The following GRIK4 variants were observed in gnomAD, a reference collection of about 807,000 sequenced individuals.
GRIK4 encodes the protein glutamate ionotropic receptor kainate type subunit 4, also known as glutamate receptor ionotropic, kainate 4.
In GRIK4, 40 loss-of-function variants were observed where a neutral mutation model predicts 104.9. The ratio of observed to expected loss-of-function variants is 0.38; its 90% CI spans 0.30 to 0.50. The LOEUF (loss-of-function observed/expected upper bound fraction) is 0.50. GRIK4 is among the 20% of genes least tolerant of loss of function. The pLI, the probability that GRIK4 is intolerant of heterozygous loss-of-function variation, is 0.93. For synonymous variants in GRIK4, 485 were observed against 524.9 expected, an observed-to-expected ratio of 0.92 and a Z score of 1.04; for missense variants, 1,047 against 1,308.1, an observed-to-expected ratio of 0.80 and a Z score of 3.08.
At chr11:120,537,182 TTA>T (rs1306578074) in intron 1 of GRIK4, among the ~76,000 whole-genome samples, 1 of 152,118 alleles carries the variant, frequency 6.6e-6, no homozygotes, top group African/African-American at 2.4e-5. Context: ...CCTAGCTTAT[TTA>T]TGTTGCTGTT....
At chr11:120,726,256 T>G (rs1181008735) in intron 3 of GRIK4, among the ~76,000 whole-genome samples, 6 of 151,802 alleles carry the variant, frequency 4.0e-5, no homozygotes, top group Non-Finnish European at 4.4e-5. Context: ...ATAGTGGAGG[T>G]TGGAATGTTA....
In GRIK4 at chr11:120,940,278, C is replaced by T; in HGVS notation, c.1477-69C>T. 1.1e-6 allele frequency: 1 copy of T among 909,118 alleles called. No homozygotes were observed. The highest frequency in any genetic ancestry group is 1.8e-6 in the Non-Finnish European group (1 of 558,422). 56.3% of individuals were successfully genotyped at this position (909,118 alleles called of 1,614,324 possible). A position where few individuals can be genotyped will look rare whatever the true frequency, so the allele number is the denominator to read the frequency against. On this transcript the variant is annotated intron_variant, in intron 13 of 20. Coordinates refer to ENST00000527524, the MANE Select transcript of GRIK4 (RefSeq NM_014619.5). This position sits in a 1 kb window ranked among gnomAD's most constrained non-coding sequence, Gnocchi z 4.3. Reference sequence around the variant, plus strand: ...ACATCTCCAATAGCAGTGACGGTTGCTGGTCGCAAGTCTCTGTGCCTCTTC... The same window carrying T: ...ACATCTCCAATAGCAGTGACGGTTGTTGGTCGCAAGTCTCTGTGCCTCTTC...
intron 3 of GRIK4, among the ~76,000 whole-genome samples, chr11:120,790,754 T>G (rs1952377800): frequency 6.6e-6 from 1 of 151,254 alleles, no homozygotes; most frequent in Non-Finnish European, 1.5e-5. Flanking sequence ...AAGCAAGGAG[T>G]GGCGGCAGTG....
chr11:120,755,483 A>G (rs1000911922), intron 3 of GRIK4, among the ~76,000 whole-genome samples: 1 of 151,838 alleles, frequency 6.6e-6, no homozygotes, highest in East Asian at 1.9e-4. Context: ...TCATGGCAGC[A>G]CTTAGTCTTA....
At chr11:120,645,090 CTGTG>C (rs1324737995) in intron 1 of GRIK4, among the ~76,000 whole-genome samples, 1 of 151,812 alleles carries the variant, frequency 6.6e-6, no homozygotes, top group Non-Finnish European at 1.5e-5. Context: ...ATGTGTATGT[CTGTG>C]TGGATGTGTG....
chr11:120,682,758 T>C (rs1950217687), intron 3 of GRIK4, among the ~76,000 whole-genome samples: 1 of 151,988 alleles, frequency 6.6e-6, no homozygotes, highest in Non-Finnish European at 1.5e-5. Flanking sequence ...CCCTTCCCCA[T>C]GCTCACACTG....
At position 120,958,303 on chromosome 11, in the gene GRIK4, C is replaced by T. The variant is rs1401143859; in HGVS notation, c.1874+1350C>T. Among the ~76,000 whole-genome samples the T allele has an allele frequency of 3.9e-5, 6 of 152,362 alleles. No homozygotes were observed. The South Asian group carries it at 1.2e-3, about 32-fold the overall frequency. ...GCCCTGCCCTGAGGGGAGGACTCAGCGCTGCTTTAAATGGCTGGCCCCAGG... is the reference window on the plus strand; with the variant it reads ...GCCCTGCCCTGAGGGGAGGACTCAGTGCTGCTTTAAATGGCTGGCCCCAGG... On this transcript the variant is annotated intron_variant, in intron 16 of 20. Transcript: ENST00000527524.
intron 9 of GRIK4, chr11:120,872,772 G>GT: frequency 1.1e-5 from 2 of 189,764 alleles, no homozygotes; most frequent in Non-Finnish European, 2.2e-5. Flanking sequence ...TTGTTTGTTT[G>GT]TTTTTTGCCA....
At chr11:120,837,350 G>A (rs564897227) in intron 8 of GRIK4, among the ~76,000 whole-genome samples, 6 of 152,134 alleles carry the variant, frequency 3.9e-5, no homozygotes, top group Non-Finnish European at 8.8e-5. Context: ...AGTTGAAACA[G>A]ACCTTAGAGG....
intron 1 of GRIK4, among the ~76,000 whole-genome samples, chr11:120,546,272 G>A (rs1948084681): frequency 6.6e-6 from 1 of 152,168 alleles, no homozygotes; most frequent in Non-Finnish European, 1.5e-5. Context: ...GTTTGCTCCT[G>A]CAGTCTCCCT....
rs149894345 is a variant in GRIK4, at chr11:120,911,532, C to T, written c.1476+6039C>T. Among the ~76,000 whole-genome samples, 853 of 147,778 alleles carry T rather than the reference C, an allele frequency of 5.8e-3. 9 individuals carry two copies. Among genetic ancestry groups the T allele is most frequent in the African/African-American group, 0.018 (749 of 40,878 alleles). On this transcript the variant is annotated intron_variant, in intron 13 of 20. Coordinates refer to ENST00000527524, the MANE Select transcript of GRIK4 (RefSeq NM_014619.5). ...GATTACAGGCTTGAGCCACCGCGCC[C>T]GGCCCAAAATTCTCTTTAAAGATAA...
At chr11:120,547,755 A>G (rs1428108287) in intron 1 of GRIK4, among the ~76,000 whole-genome samples, 1 of 152,206 alleles carries the variant, frequency 6.6e-6, no homozygotes, top group Non-Finnish European at 1.5e-5. Context: ...TGGTAAATTC[A>G]GGCCCCTCCC....
chr11:120,758,652 C>T (rs1951693412), intron 3 of GRIK4, among the ~76,000 whole-genome samples: 1 of 152,168 alleles, frequency 6.6e-6, no homozygotes, highest in Non-Finnish European at 1.5e-5. Context: ...CTTCTAATAA[C>T]AAGAGGGTGA....
At chr11:120,964,505 G>A (rs926209841) in intron 18 of GRIK4, among the ~76,000 whole-genome samples, 1 of 152,130 alleles carries the variant, frequency 6.6e-6, no homozygotes, top group African/African-American at 2.4e-5. Context: ...ACACCTTTGA[G>A]AGATATACTC....
At chr11:120,643,272 C>A (rs1459741368) in intron 1 of GRIK4, among the ~76,000 whole-genome samples, 1 of 152,088 alleles carries the variant, frequency 6.6e-6, no homozygotes, top group Non-Finnish European at 1.5e-5. Flanking sequence ...GGATGAAAGC[C>A]CCCTGAGAGT....
At chr11:120,825,349 A>T (rs1031924047) in intron 6 of GRIK4, among the ~76,000 whole-genome samples, 14 of 152,180 alleles carry the variant, frequency 9.2e-5, no homozygotes, top group Non-Finnish European at 1.8e-4. Context: ...CTGTTGTCTC[A>T]TGTATAAACA....
At chr11:120,601,647 GTT>G (rs779169082) in intron 1 of GRIK4, among the ~76,000 whole-genome samples, 7 of 125,168 alleles carry the variant, frequency 5.6e-5, no homozygotes, top group Admixed American at 2.5e-4. Context: ...TGTGTGTGTG[GTT>G]TTTTTTTTTT....
intron 3 of GRIK4, among the ~76,000 whole-genome samples, chr11:120,782,088 C>G (rs966470798): frequency 6.6e-6 from 1 of 152,140 alleles, no homozygotes; most frequent in Non-Finnish European, 1.5e-5. Context: ...CCATCATTCT[C>G]TCATACTTCC....
intron 8 of GRIK4, among the ~76,000 whole-genome samples, chr11:120,840,691 CAG>C (rs1470209878): frequency 6.6e-6 from 1 of 152,202 alleles, no homozygotes; most frequent in East Asian, 1.9e-4. Context: ...AATTACTGTG[CAG>C]AGTCATAAAA....
Sources: gnomAD v4.1 joint callset for allele counts (sites outside exome capture counted in the v4.1 genomes callset) on GRCh38, gnomAD v4.1.1 for gene constraint, Gnocchi (gnomAD v3.1) non-coding constraint, MANE v1.5 for transcripts, NCBI Gene and HGNC (gene_info 2026-07-23, HGNC 2026-07-21) for gene names.